Variants in ERMP1 observed in about 807,000 individuals in gnomAD.
ERMP1 encodes the protein endoplasmic reticulum metallopeptidase 1, also known as Felix-ina.
A neutral mutation model predicts 92.0 loss-of-function variants in ERMP1; 86 were observed. That is an observed-to-expected ratio of 0.93 (90% CI 0.79 to 1.12). ERMP1 has a LOEUF of 1.12. ERMP1 is among the 50% of genes most tolerant of loss of function. The pLI, the probability that ERMP1 is intolerant of heterozygous loss-of-function variation, is 0.00. For missense variants in ERMP1, 1,342 were observed against 1,116.3 expected (o/e 1.20, Z -2.88); for synonymous variants, 530 against 412.8 (o/e 1.28, Z -3.44).
chr9:5,858,279 A>G (rs1385464390), intron 6 of ERMP1, among the ~76,000 whole-genome samples: 4 of 152,232 alleles, frequency 2.6e-5, no homozygotes, highest in Non-Finnish European at 4.4e-5. Context: ...TTGCAAAAAT[A>G]TGATTATATT....
intron 4 of ERMP1, among the ~76,000 whole-genome samples, chr9:5,818,645 C>G (rs1283054475): frequency 6.6e-6 from 1 of 151,298 alleles, no homozygotes; most frequent in Non-Finnish European, 1.5e-5. Flanking sequence ...AGCCCAGGAG[C>G]TGGAAACCAG....
At position 5,793,448 on chromosome 9, in the gene ERMP1, A is replaced by C. The variant is rs117504138; in HGVS notation, c.2386+4369T>G. On this transcript the variant is annotated intron_variant, in intron 13 of 14. Coordinates refer to ENST00000339450, the MANE Select transcript of ERMP1 (RefSeq NM_024896.3). ...TAATATGGTAGCTATTAATTCAACT[A>C]TATTAATAATCACTTTGAATGTCAA... Among the ~76,000 whole-genome samples the C allele has an allele frequency of 3.4e-4, 52 of 152,292 alleles. No homozygotes were observed. In the East Asian group the frequency reaches 9.8e-3, roughly 29 times the overall value.
At chr9:5,838,315 G>A (rs1586833545) in intron 6 of ERMP1, among the ~76,000 whole-genome samples, 1 of 152,138 alleles carries the variant, frequency 6.6e-6, no homozygotes, top group Admixed American at 6.5e-5. Flanking sequence ...GTCGAGGGGG[G>A]TGAATCACTT....
chr9:5,787,319 A>T lies in ERMP1; in HGVS notation c.2551-11T>A, dbSNP rs761718493. On this transcript the variant is annotated splice_polypyrimidine_tract_variant and intron_variant, in intron 14 of 14. Coordinates refer to ENST00000339450, the MANE Select transcript of ERMP1 (RefSeq NM_024896.3). ...ATGTTCTTCTGAAACCTGCCAGAGA[A>T]AATCAATTAGTTCTCCAGTTCTCAG... The T allele has an allele frequency of 6.8e-6, 11 of 1,610,266 alleles. No homozygotes were observed. Among genetic ancestry groups the T allele is most frequent in the Non-Finnish European group, 9.3e-6 (11 of 1,178,452 alleles).
intron 10 of ERMP1, among the ~76,000 whole-genome samples, chr9:5,804,585 A>C (rs1437573853): frequency 6.6e-6 from 1 of 152,202 alleles, no homozygotes; most frequent in East Asian, 1.9e-4. Flanking sequence ...TAATGAAAAA[A>C]GCCTCATCAG....
chr9:5,791,287 A>G, intron 13 of ERMP1: 1 of 456,650 alleles, frequency 2.2e-6, no homozygotes, highest in Non-Finnish European at 4.4e-6. Flanking sequence ...GGCAGGCTGA[A>G]GAAAAAAGTC....
intron 4 of ERMP1, among the ~76,000 whole-genome samples, chr9:5,817,765 A>G (rs1490775413): frequency 6.6e-6 from 1 of 152,158 alleles, no homozygotes; most frequent in East Asian, 1.9e-4. Flanking sequence ...CTAGAAGTCC[A>G]GGGAAAACAG....
At chr9:5,848,940 CCTAGCTGAGGAAA>C (rs1211245862) in intron 6 of ERMP1, among the ~76,000 whole-genome samples, 1 of 152,158 alleles carries the variant, frequency 6.6e-6, no homozygotes, top group Non-Finnish European at 1.5e-5. Context: ...GGGGTTCTGA[CCTAGCTGAGGAAA>C]CCAAGTGGAG....
chr9:5,829,400 A>C (rs928271265), intron 2 of ERMP1, among the ~76,000 whole-genome samples: 13 of 152,168 alleles, frequency 8.5e-5, no homozygotes, highest in African/African-American at 2.9e-4. Flanking sequence ...CAAGCAAATA[A>C]ATTTTACTTA....
chr9:5,794,598 A>C (rs1828337919), intron 13 of ERMP1, among the ~76,000 whole-genome samples: 5 of 152,160 alleles, frequency 3.3e-5, no homozygotes, highest in Admixed American at 3.3e-4. Context: ...TAAAAGGATA[A>C]TTAAGGAATA....
chr9:5,813,869 T>C (rs1310037262), intron 4 of ERMP1, among the ~76,000 whole-genome samples: 5 of 148,448 alleles, frequency 3.4e-5, no homozygotes, highest in South Asian at 4.2e-4. Flanking sequence ...TATAATTATA[T>C]AATTATACGT....
chr9:5,809,256 G>A (rs1005890387), intron 8 of ERMP1, among the ~76,000 whole-genome samples: 17 of 151,800 alleles, frequency 1.1e-4, no homozygotes, highest in Admixed American at 5.3e-4. Context: ...TCCTGACCTT[G>A]TGATCCGCCC....
chr9:5,795,445 T>C (rs1828380896), intron 13 of ERMP1, among the ~76,000 whole-genome samples: 1 of 152,044 alleles, frequency 6.6e-6, no homozygotes. Context: ...AAGGAGGAAA[T>C]AAAACTGTCT....
At position 5,831,003 on chromosome 9, in the gene ERMP1, T is replaced by G. The variant is rs1281132438; in HGVS notation, c.364A>C (p.Ile122Leu). 1 of 1,613,786 alleles carries G rather than the reference T, an allele frequency of 6.2e-7. No individual in the cohort carries two copies. Among genetic ancestry groups the G allele is most frequent in the African/African-American group, 1.3e-5 (1 of 74,902 alleles). ...ARDYLEHITSIGPRTTGSPEN... is the reference protein window; with the variant it reads ...ARDYLEHITSLGPRTTGSPEN... Reference sequence around the variant, plus strand: ...GGACTTCCTGTAGTCCTGGGGCCAATGGAGGTTATGTGTTCAAGATAATCC... The same window carrying G: ...GGACTTCCTGTAGTCCTGGGGCCAAGGGAGGTTATGTGTTCAAGATAATCC... The change falls in exon 2 of 15, where the codon ATT becomes CTT. Residue 122 changes from isoleucine (I) to leucine (L), a missense_variant. Ile to Leu is a conservative substitution (Grantham distance 5). Transcript: ENST00000339450.
chr9:5,832,865 C>A lies in ERMP1; in HGVS notation c.163G>T (p.Gly55Trp). The A allele has an allele frequency of 6.6e-7, 1 of 1,521,442 alleles. No homozygotes were observed. 94.2% of individuals were successfully genotyped at this position (1,521,442 alleles called of 1,614,324 possible). The change falls in exon 1 of 15, where the codon GGG becomes TGG. Residue 55 changes from glycine (G) to tryptophan (W), a missense_variant. Gly to Trp is a radical substitution (Grantham distance 184). Coordinates refer to ENST00000339450, the MANE Select transcript of ERMP1 (RefSeq NM_024896.3). ...GGGRTRKRSPGGSGGASRGAG... is the reference protein window; with the variant it reads ...GGGRTRKRSPWGSGGASRGAG... The stretch of plus-strand genomic sequence containing the variant: ...CCCCTGCTCGCGCCGCCGCTACCCC[C>A]GGGGCTCCTCTTCCGCGTCCTCCCG...
chr9:5,788,329 CCAGT>C (rs1488482074), intron 13 of ERMP1, among the ~76,000 whole-genome samples: 2 of 152,026 alleles, frequency 1.3e-5, no homozygotes, highest in African/African-American at 4.8e-5. Flanking sequence ...ACTATAGTGT[CCAGT>C]CAAAGAAAGG....
At chr9:5,852,408 A>T (rs1830320867) in intron 6 of ERMP1, among the ~76,000 whole-genome samples, 1 of 151,822 alleles carries the variant, frequency 6.6e-6, no homozygotes, top group African/African-American at 2.4e-5. Flanking sequence ...GACTACAGGC[A>T]TTGCCACCAG....
intron 6 of ERMP1, chr9:5,856,270 G>C (rs538661372): frequency 5.4e-5 from 15 of 278,158 alleles, no homozygotes; most frequent in African/African-American, 2.8e-4. Context: ...GGAACCGAAA[G>C]ACTGTTCTCT....
rs952225751 is a variant in ERMP1 at position 5,798,882 on chromosome 9, T to C, written c.2194A>G (p.Ser732Gly). The C allele has an allele frequency of 1.2e-6, 2 of 1,613,546 alleles. No individual in the cohort carries two copies. The highest frequency in any genetic ancestry group is 1.7e-5 in the Admixed American group (1 of 60,032). ...TTCTCCTCACAGTGAGCTCGGATACTATCATTGATCTCAGGAATGTGAGGG... is the reference window on the plus strand; with the variant it reads ...TTCTCCTCACAGTGAGCTCGGATACCATCATTGATCTCAGGAATGTGAGGG... ...ITPHIPEIND[S>G]IRAHCEENAP... Residue 732 changes from serine (S) to glycine (G), a missense_variant, in exon 12 of 15, where the codon AGT becomes GGT. Ser to Gly is a moderately conservative substitution (Grantham distance 56). Coordinates refer to ENST00000339450, the MANE Select transcript of ERMP1 (RefSeq NM_024896.3).
Sources: allele counts gnomAD v4.1 joint callset (sites outside exome capture counted in the v4.1 genomes callset), GRCh38; gene constraint gnomAD v4.1.1; transcripts MANE v1.5; gene names NCBI Gene and HGNC (gene_info 2026-07-23, HGNC 2026-07-21).